The following VSTM2A variants were observed in gnomAD, a reference collection of about 807,000 sequenced individuals.
VSTM2A encodes V-set and transmembrane domain-containing protein 2A.
VSTM2A carries 13 observed loss-of-function variants against 27.3 expected under a neutral mutation model. The ratio of observed to expected loss-of-function variants is 0.48; its 90% confidence interval spans 0.31 to 0.76. VSTM2A has a LOEUF of 0.76. Among genes scored for constraint, VSTM2A ranks in the 30% least tolerant of loss-of-function variants. The pLI is 0.05. For missense variants in VSTM2A, 280 were observed against 310.0 expected, an observed-to-expected ratio of 0.90 and a Z score of 0.73; for synonymous variants, 142 against 125.7, an observed-to-expected ratio of 1.13 and a Z score of -0.87.
intron 4 of VSTM2A, 75 bp downstream of exon 4, chr7:54,550,245 G>C: frequency 6.5e-7 from 1 of 1,540,036 alleles, no homozygotes; most frequent in East Asian, 2.4e-5. Context: ...GTATAGAGTA[G>C]ACAGATTTAT....
At chr7:54,568,657 G>A (rs1788795280) in intron 4 of VSTM2A, among the ~76,000 whole-genome samples, 3 of 148,008 alleles carry the variant, frequency 2.0e-5, no homozygotes, top group South Asian at 2.1e-4. Context: ...TGCTCATGCA[G>A]TAGGAAAAAA....
intron 1 of VSTM2A, 44 bp from the exon 2 acceptor site, chr7:54,544,578 A>C (rs754312721): frequency 6.2e-7 from 1 of 1,611,534 alleles, no homozygotes; most frequent in Non-Finnish European, 8.5e-7. Context: ...GACTCAGGCA[A>C]GAGGGGTGTG....
chr7:54,549,064 A>G (rs978128467), intron 3 of VSTM2A, among the ~76,000 whole-genome samples: 37 of 151,016 alleles, frequency 2.5e-4, no homozygotes, highest in African/African-American at 8.2e-4. Context: ...TATATATCAG[A>G]TATATGATCT....
chr7:54,561,127 G>GA (rs952125660), intron 4 of VSTM2A, among the ~76,000 whole-genome samples: 75 of 151,332 alleles, frequency 5.0e-4, no homozygotes, highest in Admixed American at 2.2e-3. Flanking sequence ...CCACTAAATA[G>GA]AAAAAAAAAG....
chr7:54,568,884 A>T, intron 4 of VSTM2A: 1 of 1,020,028 alleles, frequency 9.8e-7, no homozygotes, highest in Admixed American at 2.4e-5. Context: ...ATGCCAAGAC[A>T]TTCATGAGCA....
intron 3 of VSTM2A, among the ~76,000 whole-genome samples, chr7:54,547,745 C>A (rs1055226112): frequency 3.3e-5 from 5 of 152,076 alleles, no homozygotes; most frequent in Non-Finnish European, 7.4e-5. Flanking sequence ...ATCTGTTAAG[C>A]ATAAACATAT....
chr7:54,547,007 G>GA lies in VSTM2A; in HGVS notation c.297+10_297+11insA. The GA allele has an allele frequency of 6.3e-7, 1 of 1,587,332 alleles. No homozygotes were observed. Among genetic ancestry groups the GA allele is most frequent in the Non-Finnish European group, 8.6e-7 (1 of 1,169,450 alleles). On this transcript the variant is annotated intron_variant, in intron 3 of 4. Coordinates refer to ENST00000402613, the MANE Select transcript of VSTM2A (RefSeq NM_001301009.2). The stretch of plus-strand genomic sequence containing the variant: ...CGGGACCAAGATCAGCGTGAGTGCG[G>GA]GGCGCGCCAAGGGCCGCGGGCCCAG...
chr7:54,546,565 T>TGCCCGCCCGCCCGCCC (rs1554330513), intron 2 of VSTM2A: 4 of 140,012 alleles, frequency 2.9e-5, no homozygotes, highest in African/African-American at 1.2e-4. Flanking sequence ...CCCCCCCGCC[T>TGCCCGCCCGCCCGCCC]GCCCGCCCGC....
intron 4 of VSTM2A, among the ~76,000 whole-genome samples, chr7:54,553,238 T>G (rs1224970434): frequency 6.6e-6 from 1 of 152,238 alleles, no homozygotes; most frequent in African/African-American, 2.4e-5. Context: ...AAATTCTTTT[T>G]TATCTTTGTG....
chr7:54,549,681 G>GGA (rs1176358482), intron 3 of VSTM2A, among the ~76,000 whole-genome samples, 153 bp from the exon 4 acceptor site: 1 of 152,218 alleles, frequency 6.6e-6, no homozygotes, highest in Non-Finnish European at 1.5e-5. Flanking sequence ...AAGGCCTTCA[G>GGA]ATGTGACGTT....
At chr7:54,548,396 C>T (rs1788072190) in intron 3 of VSTM2A, among the ~76,000 whole-genome samples, 1 of 151,786 alleles carries the variant, frequency 6.6e-6, no homozygotes, top group South Asian at 2.1e-4. Flanking sequence ...ATTTTCTCAA[C>T]CACTAGTTAT....
chr7:54,567,312 A>G (rs1584070989), intron 4 of VSTM2A, among the ~76,000 whole-genome samples: 2 of 152,254 alleles, frequency 1.3e-5, no homozygotes. Flanking sequence ...AGTATATTAC[A>G]TATCTGATGG....
intron 4 of VSTM2A, among the ~76,000 whole-genome samples, chr7:54,556,568 A>C (rs1256272635): frequency 6.6e-6 from 1 of 152,228 alleles, no homozygotes; most frequent in Non-Finnish European, 1.5e-5. Flanking sequence ...TAAATGATCC[A>C]ACTTGGCTGC....
At chr7:54,552,693 C>A (rs1000083370) in intron 4 of VSTM2A, among the ~76,000 whole-genome samples, 3 of 152,176 alleles carry the variant, frequency 2.0e-5, no homozygotes, top group Admixed American at 6.5e-5. Context: ...CATTTATCAT[C>A]CATCTTTATT....
At chr7:54,565,714 C>T (rs1234513089) in intron 4 of VSTM2A, among the ~76,000 whole-genome samples, 1 of 152,266 alleles carries the variant, frequency 6.6e-6, no homozygotes, top group Non-Finnish European at 1.5e-5. Context: ...CGCCAGACTG[C>T]GAGGCTGCCA....
At chr7:54,555,073 G>A (rs2115852311) in intron 4 of VSTM2A, among the ~76,000 whole-genome samples, 1 of 152,262 alleles carries the variant, frequency 6.6e-6, no homozygotes, top group Middle Eastern at 3.4e-3. Flanking sequence ...TTGGTCTTGA[G>A]GAAGCCTTGA....
intron 4 of VSTM2A, among the ~76,000 whole-genome samples, chr7:54,556,546 C>T (rs907680449): frequency 3.3e-5 from 5 of 152,142 alleles, no homozygotes; most frequent in Admixed American, 6.5e-5. Context: ...GCCCTTACCG[C>T]TGATTTTTGT....
rs1216306151 is a variant in VSTM2A at position 54,570,065 on chromosome 7, T to A, written c.*846T>A. 6.6e-6 allele frequency: 1 copy of A among 152,202 alleles called. No homozygotes were observed. Among genetic ancestry groups the A allele is most frequent in the Non-Finnish European group, 1.5e-5 (1 of 68,026 alleles). The allele number at this position is 152,202 out of a possible 1,614,324, so 9.4% of individuals were successfully genotyped here. On this transcript the variant is annotated 3_prime_UTR_variant, in exon 5 of 5. Transcript: ENST00000402613. ...CCACAGGTTTGACAGCTGCAGATGG[T>A]CTCTATTGTCCTCTGCTTCATTCTG...
chr7:54,543,132 T>C (rs1454163978), intron 1 of VSTM2A, among the ~76,000 whole-genome samples: 1 of 152,232 alleles, frequency 6.6e-6, no homozygotes, highest in South Asian at 2.1e-4. Context: ...CATGCATACA[T>C]AATCATCGCA....
Sources: gnomAD v4.1 joint callset for allele counts (sites outside exome capture counted in the v4.1 genomes callset) on GRCh38, gnomAD v4.1.1 for gene constraint, MANE v1.5 for transcripts, NCBI Gene and HGNC (gene_info 2026-07-23, HGNC 2026-07-21) for gene names.